YIF1A: variants seen among roughly 807,000 people sequenced by gnomAD.
The protein encoded by YIF1A is Yip1 interacting factor homolog A, membrane trafficking protein.
In YIF1A, 28 loss-of-function variants were observed where a neutral mutation model predicts 32.6. The ratio of observed to expected loss-of-function variants is 0.86; its 90% CI spans 0.64 to 1.18. The LOEUF (loss-of-function observed/expected upper bound fraction) is 1.18. Ranked by LOEUF, YIF1A falls within the 50% of genes most tolerant of loss-of-function variation. The pLI is 0.00. For synonymous variants in YIF1A, 175 were observed against 162.2 expected (o/e 1.08, Z -0.60); for missense variants, 373 against 390.8 (o/e 0.95, Z 0.38).
intron 4 of YIF1A, among the ~76,000 whole-genome samples, 170 bp from the exon 5 acceptor site, chr11:66,285,928 C>T (rs1857350358): frequency 6.6e-6 from 1 of 152,246 alleles, no homozygotes; most frequent in Non-Finnish European, 1.5e-5. Flanking sequence ...TGTCTCCGAT[C>T]AGCCCTCTCC....
chr11:66,284,667 T>C lies in YIF1A; in HGVS notation c.852A>G (p.Ile284Met). 2 of 1,612,762 alleles carry C rather than the reference T, an allele frequency of 1.2e-6. No homozygotes were observed. The highest frequency in any genetic ancestry group is 1.7e-6 in the Non-Finnish European group (2 of 1,179,940). ...LGAAAFQPLI[I>M]YWLTFHLVR ...GGACCAGGTGGAAAGTCAGCCAGTA[T>C]ATGATGAGGGGCTGGAAGGCTGCAG... The change falls in exon 8 of 8, where the codon ATA becomes ATG. Residue 284 changes from isoleucine (I) to methionine (M), a missense_variant. Ile to Met is a conservative substitution (Grantham distance 10). Transcript: ENST00000376901.
chr11:66,287,509 G>T, intron 4 of YIF1A, 89 bp downstream of exon 4: 1 of 1,402,016 alleles, frequency 7.1e-7, no homozygotes, highest in Non-Finnish European at 9.9e-7. Context: ...TGACTCAGTA[G>T]CTGCGCCTCT....
intron 4 of YIF1A, among the ~76,000 whole-genome samples, chr11:66,286,067 C>T (rs1857353020): frequency 6.6e-6 from 1 of 152,232 alleles, no homozygotes; most frequent in Admixed American, 6.5e-5. Context: ...CATTGTTCCG[C>T]CTATACAGGG....
chr11:66,288,394 C>A (rs1857397652), intron 1 of YIF1A, 102 bp from the exon 2 acceptor site: 1 of 1,416,060 alleles, frequency 7.1e-7, no homozygotes, highest in Non-Finnish European at 9.8e-7. Context: ...GTCCTGGAGG[C>A]ACCGATCAGT....
intron 4 of YIF1A, 58 bp from the exon 5 acceptor site, chr11:66,285,816 T>C: frequency 6.3e-7 from 1 of 1,584,880 alleles, no homozygotes; most frequent in Non-Finnish European, 8.6e-7. Context: ...GCTGCCTTAC[T>C]AGGCATTCGG....
chr11:66,285,703 T>C lies in YIF1A; in HGVS notation c.483A>G (p.Lys161=). ...TAAGGGAGGGGCTTGGCACTGACCT[T>C]TTCTGAATGCCCAGTGCCATCCCAG... ...LLAGMALGIQ[K]RFSPEVLGLC... The change falls in exon 5 of 8, where the codon AAA becomes AAG. Residue 161 remains lysine (K), a splice_region_variant and synonymous_variant. Coordinates refer to ENST00000376901, the MANE Select transcript of YIF1A (RefSeq NM_020470.3). 1 of 1,613,336 alleles carries C rather than the reference T, an allele frequency of 6.2e-7. No homozygotes were observed. The highest frequency in any genetic ancestry group is 8.5e-7 in the Non-Finnish European group (1 of 1,179,912).
At position 66,285,768 on chromosome 11, in the gene YIF1A, G is replaced by A. The variant is rs1332842493; in HGVS notation, c.428-10C>T. The A allele has an allele frequency of 6.2e-7, 1 of 1,612,412 alleles. No homozygotes were observed. Among genetic ancestry groups the A allele is most frequent in the Non-Finnish European group, 8.5e-7 (1 of 1,179,810 alleles). On this transcript the variant is annotated splice_polypyrimidine_tract_variant and intron_variant, in intron 4 of 7. Coordinates refer to ENST00000376901, the MANE Select transcript of YIF1A (RefSeq NM_020470.3). ...GTAATGAAGGCCATCGCTGCCAAGT[G>A]CCAGAGAGATGCCATCAGCTTGGCT...
At chr11:66,285,842 C>T in intron 4 of YIF1A, 84 bp from the exon 5 acceptor site, 13 of 1,465,134 alleles carry the variant, frequency 8.9e-6, no homozygotes, top group Non-Finnish European at 1.2e-5. Flanking sequence ...CCGACATGTC[C>T]CATACTTCCT....
At chr11:66,286,865 GGCTGCCTGCCCTCAGTCCC>G (rs1857364772) in intron 4 of YIF1A, 1 of 152,656 alleles carries the variant, frequency 6.6e-6, no homozygotes, top group South Asian at 2.1e-4. Context: ...CACCTAGGCT[GGCTGCCTGCCCTCAGTCCC>G]ACTGGCTGCC....
At position 66,284,697 on chromosome 11, in the gene YIF1A, CA is replaced by C; in HGVS notation, c.821del (p.Leu274ArgfsTer14). The C allele has an allele frequency of 6.2e-7, 1 of 1,612,748 alleles. No homozygotes were observed. The highest frequency in any genetic ancestry group is 8.5e-7 in the Non-Finnish European group (1 of 1,179,916). ...TGAGGGGCTGGAAGGCTGCAGCTCCCAGAGTCAGGTAGAGCTGGAGACGCTG... is the reference window on the plus strand; with the variant it reads ...TGAGGGGCTGGAAGGCTGCAGCTCCCGAGTCAGGTAGAGCTGGAGACGCTG... ...PRQRLQLYLT[L>X]GAAAFQPLII... On this transcript the variant is annotated frameshift_variant, in exon 8 of 8. Coordinates refer to ENST00000376901, the MANE Select transcript of YIF1A (RefSeq NM_020470.3). LOFTEE classifies it high-confidence loss of function.
Position 66,289,074 on chromosome 11 carries a change from C to G in YIF1A, c.-89G>C, listed in dbSNP as rs1408838154. On this transcript the variant is annotated 5_prime_UTR_variant, in exon 1 of 8. Coordinates refer to ENST00000376901, the MANE Select transcript of YIF1A (RefSeq NM_020470.3). ...GGCAGCTGCTCCGCGCCCAGGGTAC[C>G]GACCGAGGCCACCCGGCCGCGCGAC... is the stretch of plus-strand genomic sequence containing the variant. The G allele has an allele frequency of 1.4e-5, 20 of 1,457,984 alleles. No homozygotes were observed. Among genetic ancestry groups the G allele is most frequent in the Non-Finnish European group, 1.8e-5 (20 of 1,106,000 alleles). 90.3% of individuals were successfully genotyped at this position (1,457,984 alleles called of 1,614,324 possible). A position where few individuals can be genotyped will look rare whatever the true frequency, so the allele number is the denominator to read the frequency against.
At chr11:66,288,001 G>A in intron 2 of YIF1A, 80 bp downstream of exon 2, 1 of 1,606,398 alleles carries the variant, frequency 6.2e-7, no homozygotes, top group Non-Finnish European at 8.5e-7. Context: ...TGAGGGCACT[G>A]TGAGGAATCG....
Position 66,285,702 on chromosome 11 carries a change from T to C in YIF1A, c.484A>G (p.Arg162Gly). The C allele has an allele frequency of 4.3e-6, 7 of 1,613,286 alleles. No homozygotes were observed. Among genetic ancestry groups the C allele is most frequent in the Non-Finnish European group, 5.9e-6 (7 of 1,179,892 alleles). ...LAGMALGIQK[R>G]FSPEVLGLCA... is the part of the protein sequence containing the mutation. ...GTAAGGGAGGGGCTTGGCACTGACC[T>C]TTTCTGAATGCCCAGTGCCATCCCA... is the stretch of plus-strand genomic sequence containing the variant. The change falls in exon 5 of 8, where the codon AGG (arginine) becomes GGG (glycine). Residue 162 changes from arginine (R) to glycine (G), a missense_variant and splice_region_variant. By Grantham distance (125) the Arg-to-Gly change is moderately radical (BLOSUM62 -2). Transcript: ENST00000376901.
Position 66,284,584 on chromosome 11 carries a change from G to T in YIF1A, c.*53C>A. Reference sequence around the variant, plus strand: ...AGGAACAAGGGTCAGACAAAGTCAAGGAAATCAAATCTTCAATGAATGAAA... The same window carrying T: ...AGGAACAAGGGTCAGACAAAGTCAATGAAATCAAATCTTCAATGAATGAAA... On this transcript the variant is annotated 3_prime_UTR_variant, in exon 8 of 8. Coordinates refer to ENST00000376901, the MANE Select transcript of YIF1A (RefSeq NM_020470.3). 1 of 1,595,584 alleles carries T rather than the reference G, an allele frequency of 6.3e-7. No homozygotes were observed.
chr11:66,287,795 C>T lies in YIF1A; in HGVS notation c.348+17G>A, dbSNP rs1421634517. The T allele has an allele frequency of 6.2e-7, 1 of 1,613,430 alleles. No individual in the cohort carries two copies. The highest frequency in any genetic ancestry group is 8.5e-7 in the Non-Finnish European group (1 of 1,179,458). On this transcript the variant is annotated intron_variant, in intron 3 of 7. Transcript: ENST00000376901. ...AGAATGAGGAAGGCCCACCAGCTCC[C>T]TTGGTAGGAAGCTCACCTGGTGTGT...
rs371922483 is a variant in YIF1A at position 66,287,639 on chromosome 11, G to A, written c.386C>T (p.Pro129Leu). 5.6e-5 allele frequency: 90 copies of A among 1,613,728 alleles called. No individual in the cohort carries two copies. The highest frequency in any genetic ancestry group is 3.3e-4 in the Middle Eastern group (2 of 6,062). Reference sequence around the variant, plus strand: ...AGGGGCGTTGAGGTCTTGCCGGGGGGGCAGAGGAGCATCACGACTGTACTG... The same window carrying A: ...AGGGGCGTTGAGGTCTTGCCGGGGGAGCAGAGGAGCATCACGACTGTACTG... ...EVQYSRDAPL[P>L]PRQDLNAPDL... Residue 129 changes from proline to leucine, a missense_variant, in exon 4 of 8, where the codon CCC (proline) becomes CTC (leucine). Coordinates refer to ENST00000376901, the MANE Select transcript of YIF1A (RefSeq NM_020470.3).
intron 5 of YIF1A, 39 bp downstream of exon 5, chr11:66,285,662 C>T: frequency 6.2e-7 from 1 of 1,612,600 alleles, no homozygotes; most frequent in South Asian, 1.1e-5. Context: ...GAGAAGAGCT[C>T]ACAGGGAGGG....
At chr11:66,288,709 AAC>A (rs1857403336) in intron 1 of YIF1A, among the ~76,000 whole-genome samples, 1 of 152,228 alleles carries the variant, frequency 6.6e-6, no homozygotes, top group Non-Finnish European at 1.5e-5. Context: ...TCAGGTTCAC[AAC>A]AGTCAAAGGA....
intron 1 of YIF1A, among the ~76,000 whole-genome samples, chr11:66,288,605 G>C (rs531551473): frequency 1.3e-5 from 2 of 152,230 alleles, no homozygotes; most frequent in African/African-American, 2.4e-5. Flanking sequence ...AGTGTGCTAG[G>C]TGAAAATAAC....
Sources: allele counts gnomAD v4.1 joint callset (sites outside exome capture counted in the v4.1 genomes callset), GRCh38; gene constraint gnomAD v4.1.1; transcripts MANE v1.5; gene names NCBI Gene and HGNC (gene_info 2026-07-23, HGNC 2026-07-21).